Variants in PPFIA1 observed in about 807,000 individuals in gnomAD.
The protein encoded by PPFIA1 is liprin-alpha-1.
Under a neutral mutation model 149.9 loss-of-function variants are expected in PPFIA1, and 25 were observed. The observed-to-expected ratio is 0.17, with a 90% CI of 0.12 to 0.23. The LOEUF is 0.23. Ranked by LOEUF, PPFIA1 falls within the 10% of genes least tolerant of loss-of-function variation. PPFIA1 has a pLI of 1.00. For missense variants in PPFIA1, 1,362 were observed against 1,506.5 expected (o/e 0.90, Z 1.59); for synonymous variants, 549 against 552.8 (o/e 0.99, Z 0.10).
intron 26 of PPFIA1, among the ~76,000 whole-genome samples, chr11:70,379,390 AGAG>A (rs1278109705): frequency 6.6e-6 from 1 of 151,974 alleles, no homozygotes; most frequent in Non-Finnish European, 1.5e-5. Context: ...CCTGGGAGGC[AGAG>A]GGTGCAGTGA....
At chr11:70,325,467 C>T (rs750911530) in intron 4 of PPFIA1, 33 bp from the exon 5 acceptor site, 2 of 1,437,574 alleles carry the variant, frequency 1.4e-6, no homozygotes, top group East Asian at 2.3e-5. Flanking sequence ...AGTATACACA[C>T]ACACACACAA....
At chr11:70,286,907 T>G (rs890444674) in intron 2 of PPFIA1, among the ~76,000 whole-genome samples, 2 of 151,518 alleles carry the variant, frequency 1.3e-5, no homozygotes, top group Non-Finnish European at 2.9e-5. Context: ...ATGTTTTTTC[T>G]GTGTGTGTAT....
intron 21 of PPFIA1, among the ~76,000 whole-genome samples, chr11:70,368,930 T>C (rs2057090855): frequency 1.3e-5 from 2 of 151,662 alleles, no homozygotes; most frequent in South Asian, 4.2e-4. Context: ...TTGTTCCTTA[T>C]CTTAGGAGAA....
intron 26 of PPFIA1, among the ~76,000 whole-genome samples, chr11:70,380,229 G>A (rs530957961): frequency 6.6e-6 from 1 of 151,040 alleles, no homozygotes; most frequent in East Asian, 2.0e-4. Context: ...CCAACGTGGT[G>A]AGACCAGCCT....
intron 2 of PPFIA1, among the ~76,000 whole-genome samples, chr11:70,293,135 G>A (rs2051647628): frequency 6.6e-6 from 1 of 152,212 alleles, no homozygotes; most frequent in Non-Finnish European, 1.5e-5. Flanking sequence ...ATGCATCCTA[G>A]AATGATGAAA....
rs183881223 is a variant in PPFIA1, at chr11:70,361,247, G to C, written c.2583-848G>C. The stretch of plus-strand genomic sequence containing the variant: ...ATAGTCGTCTCTCAGAGTCTATGGG[G>C]GATTGGTTCCAGGACCCCTCCTGAA... On this transcript the variant is annotated intron_variant, in intron 19 of 27. Coordinates refer to ENST00000253925, the MANE Select transcript of PPFIA1 (RefSeq NM_003626.5). Among the ~76,000 whole-genome samples, 30 of 152,230 alleles carry C rather than the reference G, an allele frequency of 2.0e-4. No homozygotes were observed. In the East Asian group the frequency reaches 4.1e-3, roughly 21 times the overall value.
rs115700146 is a variant in PPFIA1, at chr11:70,338,474, C to T, written c.1571+21C>T. 1,352 of 1,582,620 alleles carry T rather than the reference C, an allele frequency of 8.5e-4. 14 individuals are homozygous for T. The African/African-American group carries it at 0.016, about 19-fold the overall frequency. The stretch of plus-strand genomic sequence containing the variant: ...CATGGGTATGGTATTAACCAGTGAG[C>T]AGCCATATTGTCAGCACCTGTGGCA... On this transcript the variant is annotated intron_variant, in intron 13 of 27. Coordinates refer to ENST00000253925, the MANE Select transcript of PPFIA1 (RefSeq NM_003626.5).
At chr11:70,281,320 G>T (rs185015145) in intron 2 of PPFIA1, among the ~76,000 whole-genome samples, 1 of 152,188 alleles carries the variant, frequency 6.6e-6, no homozygotes, top group Admixed American at 6.5e-5. Flanking sequence ...GTGACCAGAG[G>T]CTGGGATTCA....
At chr11:70,303,484 A>G (rs2052627342) in intron 2 of PPFIA1, among the ~76,000 whole-genome samples, 1 of 152,190 alleles carries the variant, frequency 6.6e-6, no homozygotes, top group African/African-American at 2.4e-5. Flanking sequence ...GCTTGTGCAT[A>G]CCCTAAGGTT....
intron 12 of PPFIA1, 79 bp from the exon 13 acceptor site, chr11:70,338,295 A>G: frequency 8.6e-7 from 1 of 1,156,228 alleles, no homozygotes; most frequent in Non-Finnish European, 1.3e-6. Flanking sequence ...GTTATGCCCA[A>G]CATCTGAGCA....
At chr11:70,280,997 T>G (rs963246197) in intron 2 of PPFIA1, among the ~76,000 whole-genome samples, 15 of 152,236 alleles carry the variant, frequency 9.9e-5, no homozygotes, top group African/African-American at 3.4e-4. Context: ...TTCTAGAGTC[T>G]GCTTAATTCC....
chr11:70,343,399 GA>G (rs2055475877), intron 14 of PPFIA1, among the ~76,000 whole-genome samples: 1 of 151,984 alleles, frequency 6.6e-6, no homozygotes, highest in Non-Finnish European at 1.5e-5. Context: ...TTTTGTTTCT[GA>G]CTCTGCCATC....
intron 11 of PPFIA1, among the ~76,000 whole-genome samples, chr11:70,336,963 C>G (rs2055016823): frequency 6.6e-6 from 1 of 152,236 alleles, no homozygotes; most frequent in Admixed American, 6.5e-5. Flanking sequence ...ATCCCACTCA[C>G]CTCCTTGATC....
intron 2 of PPFIA1, among the ~76,000 whole-genome samples, chr11:70,298,802 A>G (rs2052272559): frequency 6.6e-6 from 1 of 152,232 alleles, no homozygotes; most frequent in Admixed American, 6.5e-5. Flanking sequence ...AGAAGTTTAC[A>G]GTGATACTGC....
chr11:70,359,616 G>A (rs1047629854), intron 19 of PPFIA1, among the ~76,000 whole-genome samples: 2 of 152,132 alleles, frequency 1.3e-5, no homozygotes, highest in African/African-American at 4.8e-5. Context: ...ATTTAGTTTC[G>A]ATAGTTGAGA....
At chr11:70,355,047 G>A (rs2056282348) in intron 17 of PPFIA1, among the ~76,000 whole-genome samples, 1 of 152,024 alleles carries the variant, frequency 6.6e-6, no homozygotes, top group South Asian at 2.1e-4. Context: ...TGGAACTACA[G>A]GCGCACACCA....
intron 24 of PPFIA1, 37 bp downstream of exon 24, chr11:70,375,130 C>T (rs1353370940): frequency 7.6e-7 from 1 of 1,308,396 alleles, no homozygotes; most frequent in Non-Finnish European, 1.0e-6. Context: ...ACTCATTGTT[C>T]AGTTGGCACC....
intron 7 of PPFIA1, among the ~76,000 whole-genome samples, chr11:70,329,197 C>T (rs746132430): frequency 1.3e-5 from 2 of 152,222 alleles, no homozygotes; most frequent in South Asian, 2.1e-4. Flanking sequence ...GTGAGGCAGA[C>T]GTAGACTGCG....
intron 16 of PPFIA1, among the ~76,000 whole-genome samples, chr11:70,351,715 C>A (rs2056066232): frequency 6.6e-6 from 1 of 152,176 alleles, no homozygotes; most frequent in African/African-American, 2.4e-5. Context: ...CTGTTGTTAT[C>A]CCCATTTTAC....
Sources: allele counts gnomAD v4.1 joint callset (sites outside exome capture counted in the v4.1 genomes callset), GRCh38; gene constraint gnomAD v4.1.1; transcripts MANE v1.5; gene names NCBI Gene and HGNC (gene_info 2026-07-23, HGNC 2026-07-21).